WNK1: variants seen among roughly 807,000 people sequenced by gnomAD.
The protein encoded by WNK1 is WNK lysine deficient protein kinase 1.
WNK1 carries 38 observed loss-of-function variants against 222.8 expected under a neutral mutation model. The observed-to-expected ratio is 0.17, with a 90% CI of 0.13 to 0.22. The LOEUF (loss-of-function observed/expected upper bound fraction) is 0.22. WNK1 is among the 10% of genes least tolerant of loss of function. WNK1 has a pLI of 1.00. For missense variants in WNK1, 2,348 were observed against 2,918.4 expected (o/e 0.80, Z 4.50); for synonymous variants, 1,090 against 1,092.9 (o/e 1.00, Z 0.05).
chr12:816,510 GCTCATCCTGATTTGGC>G (rs1947353332), intron 2 of WNK1, among the ~76,000 whole-genome samples: 1 of 151,736 alleles, frequency 6.6e-6, no homozygotes, highest in Non-Finnish European at 1.5e-5. Flanking sequence ...AAACTCCTGA[GCTCATCCTGATTTGGC>G]CTCATCCCGA....
intron 1 of WNK1, among the ~76,000 whole-genome samples, chr12:812,932 G>C (rs901116187): frequency 6.6e-6 from 1 of 152,086 alleles, no homozygotes; most frequent in Non-Finnish European, 1.5e-5. Context: ...GAGTATTTAA[G>C]TTATTGCTTA....
chr12:833,946 G>A (rs1299560292), intron 4 of WNK1, among the ~76,000 whole-genome samples: 1 of 152,142 alleles, frequency 6.6e-6, no homozygotes, highest in Non-Finnish European at 1.5e-5. Context: ...AGATTAATAT[G>A]TAAACAAAGA....
chr12:762,036 T>C, intron 1 of WNK1, among the ~76,000 whole-genome samples: 1 of 138,276 alleles, frequency 7.2e-6, no homozygotes. Context: ...TAGTACATCC[T>C]CCTGTATAGT....
intron 25 of WNK1, among the ~76,000 whole-genome samples, chr12:899,624 G>T (rs1393686724): frequency 1.3e-5 from 2 of 152,104 alleles, no homozygotes; most frequent in African/African-American, 4.8e-5. Context: ...CATACTTTTT[G>T]AGTGGACTTG....
At chr12:803,579 T>G (rs979192920) in intron 1 of WNK1, among the ~76,000 whole-genome samples, 8 of 152,004 alleles carry the variant, frequency 5.3e-5, no homozygotes, top group Non-Finnish European at 1.2e-4. Flanking sequence ...GGTCAGGAGT[T>G]CGAGACTAGC....
At chr12:794,739 C>T (rs1945151174) in intron 1 of WNK1, among the ~76,000 whole-genome samples, 1 of 151,958 alleles carries the variant, frequency 6.6e-6, no homozygotes, top group Admixed American at 6.6e-5. Flanking sequence ...AAGGAATATT[C>T]TTCTTTTAAA....
At chr12:891,430 G>T (rs761863445) in intron 22 of WNK1, among the ~76,000 whole-genome samples, 18 of 152,142 alleles carry the variant, frequency 1.2e-4, no homozygotes, top group Non-Finnish European at 2.1e-4. Flanking sequence ...GAGCCACCGC[G>T]CCTGGCTGAA....
intron 1 of WNK1, among the ~76,000 whole-genome samples, chr12:807,358 G>GA: frequency 6.8e-6 from 1 of 147,900 alleles, no homozygotes; most frequent in Non-Finnish European, 1.5e-5. Context: ...TTCTTTAAGT[G>GA]AAAGCCACAT....
chr12:842,859 G>A (rs1194779212), intron 4 of WNK1, among the ~76,000 whole-genome samples: 1 of 152,178 alleles, frequency 6.6e-6, no homozygotes, highest in East Asian at 1.9e-4. Context: ...GGTGGTAAAG[G>A]TTTGAGATTC....
chr12:805,811 A>G (rs981460158), intron 1 of WNK1, among the ~76,000 whole-genome samples: 2 of 152,182 alleles, frequency 1.3e-5, no homozygotes, highest in Admixed American at 1.3e-4. Context: ...TCAAAAAACA[A>G]ACTGCCTAAT....
intron 4 of WNK1, among the ~76,000 whole-genome samples, chr12:838,613 G>A (rs918020240): frequency 1.4e-5 from 2 of 147,380 alleles, no homozygotes; most frequent in Non-Finnish European, 2.9e-5. Context: ...ACGAGGTTTT[G>A]TCATGTTGCC....
intron 1 of WNK1, among the ~76,000 whole-genome samples, chr12:777,440 G>A (rs1385343225): frequency 6.6e-6 from 1 of 152,010 alleles, no homozygotes; most frequent in East Asian, 1.9e-4. Context: ...TTACAGGTGT[G>A]AGCCACCGCG....
rs757392386 is a variant in WNK1 at position 885,445 on chromosome 12, A to G, written c.4641A>G (p.Pro1547=). Residue 1547 remains proline (P), a synonymous_variant, in exon 19 of 28, where the codon CCA becomes CCG. Transcript: ENST00000315939. ...TTGLAFSLSA[P]SSSSSPGAGV... ...GATTGGCTTTCTCCCTCTCTGCACC[A>G]TCTTCCTCTTCCTCTCCTGGAGCAG... 6 of 1,613,774 alleles carry G rather than the reference A, an allele frequency of 3.7e-6. No individual in the cohort carries two copies. Among genetic ancestry groups the G allele is most frequent in the Non-Finnish European group, 4.2e-6 (5 of 1,180,004 alleles).
chr12:789,753 T>A (rs1944666958), intron 1 of WNK1, among the ~76,000 whole-genome samples: 2 of 152,160 alleles, frequency 1.3e-5, no homozygotes, highest in Non-Finnish European at 1.5e-5. Flanking sequence ...ATTTCATAGA[T>A]GGTAAGGCAG....
chr12:859,632 G>GTGTGTGTGTGTGTGTGTGTGTGGT (rs369513114), intron 6 of WNK1, among the ~76,000 whole-genome samples, 168 bp downstream of exon 6: 10 of 122,638 alleles, frequency 8.2e-5, no homozygotes, highest in Non-Finnish European at 1.6e-4. Context: ...GTGTGTGTGT[G>GTGTGTGTGTGTGTGTGTGTGTGGT]TTTTTTTTTT....
chr12:845,533 G>A (rs1035583361), intron 4 of WNK1, among the ~76,000 whole-genome samples: 2 of 152,204 alleles, frequency 1.3e-5, no homozygotes, highest in Admixed American at 1.3e-4. Context: ...GCCTTTTCAG[G>A]TGGAAGAAAT....
chr12:910,509 T>A lies in WNK1; in HGVS notation c.*1717T>A, dbSNP rs1359640755. 1 of 152,112 alleles carries A rather than the reference T, an allele frequency of 6.6e-6. No individual in the cohort carries two copies. The highest frequency in any genetic ancestry group is 2.4e-5 in the African/African-American group (1 of 41,406). 9.4% of individuals were successfully genotyped at this position (152,112 alleles called of 1,614,324 possible). A position where few individuals can be genotyped will look rare whatever the true frequency, so the allele number is the denominator to read the frequency against. On this transcript the variant is annotated 3_prime_UTR_variant, in exon 28 of 28. Coordinates refer to ENST00000315939, the MANE Select transcript of WNK1 (RefSeq NM_018979.4). ...CAGTGCTATGCCTCCTTGTAATGGG[T>A]AGTTATTAATTATTTTCAGAGCTTT...
chr12:885,709 T>C lies in WNK1; in HGVS notation c.4905T>C (p.Cys1635=). The part of the protein sequence containing the change: ...ALLPNQPHTH[C]PEVDSDTQPK... ...TTCCCAACCAGCCCCATACTCATTG[T>C]CCTGAAGTAGATTCTGATACACAAC... Residue 1635 remains cysteine, a synonymous_variant, in exon 19 of 28, where the codon TGT becomes TGC. Transcript: ENST00000315939. 6.2e-7 allele frequency: 1 copy of C among 1,614,194 alleles called. No individual in the cohort carries two copies.
At chr12:800,402 AGGTTTTTTTGCTATATG>A (rs1945758960) in intron 1 of WNK1, among the ~76,000 whole-genome samples, 1 of 152,080 alleles carries the variant, frequency 6.6e-6, no homozygotes, top group Non-Finnish European at 1.5e-5. Context: ...TCTAGCATTC[AGGTTTTTTTGCTATATG>A]GGTGTTAATA....
Sources: allele counts gnomAD v4.1 joint callset (sites outside exome capture counted in the v4.1 genomes callset), GRCh38; gene constraint gnomAD v4.1.1; transcripts MANE v1.5; gene names NCBI Gene and HGNC (gene_info 2026-07-23, HGNC 2026-07-21).